The following POLR3E variants were observed in gnomAD, a reference collection of about 807,000 sequenced individuals.
The protein encoded by POLR3E is DNA-directed RNA polymerase III subunit RPC5.
POLR3E carries 41 observed loss-of-function variants against 96.6 expected under a neutral mutation model. That is an observed-to-expected ratio of 0.42 (90% confidence interval 0.33 to 0.55). The LOEUF is 0.55. Ranked by LOEUF, POLR3E falls within the 20% of genes least tolerant of loss-of-function variation. The pLI, the probability that POLR3E is intolerant of heterozygous loss-of-function variation, is 0.06. For missense variants in POLR3E, 849 were observed against 952.1 expected (o/e 0.89, Z 1.43); for synonymous variants, 396 against 383.6 (o/e 1.03, Z -0.38).
intron 6 of POLR3E, among the ~76,000 whole-genome samples, chr16:22,312,907 G>T (rs1015068355): frequency 2.0e-5 from 3 of 148,550 alleles, no homozygotes; most frequent in African/African-American, 7.4e-5. Flanking sequence ...ACAGTAAAGT[G>T]CTTAAGTATT....
chr16:22,299,154 C>T, intron 1 of POLR3E: 1 of 412,798 alleles, frequency 2.4e-6, no homozygotes, highest in Non-Finnish European at 4.8e-6. Flanking sequence ...TCCTCTCCTG[C>T]AGGCGGTGAT....
chr16:22,333,385 G>C (rs2048784156), intron 20 of POLR3E, among the ~76,000 whole-genome samples: 1 of 150,980 alleles, frequency 6.6e-6, no homozygotes, highest in African/African-American at 2.4e-5. Context: ...CTGGGAGGCA[G>C]AGGCTGCAGT....
intron 19 of POLR3E, among the ~76,000 whole-genome samples, chr16:22,331,043 C>G (rs1264492561): frequency 1.8e-5 from 2 of 110,962 alleles, no homozygotes; most frequent in East Asian, 6.2e-4. Flanking sequence ...CTCCCTCTGT[C>G]AGCCAGGCTG....
chr16:22,303,709 C>T (rs1391922435), intron 2 of POLR3E, among the ~76,000 whole-genome samples: 3 of 145,312 alleles, frequency 2.1e-5, no homozygotes, highest in Non-Finnish European at 3.0e-5. Context: ...GGTGCCATCT[C>T]GGCTCACTGC....
At chr16:22,329,649 G>A (rs578188958) in intron 19 of POLR3E, among the ~76,000 whole-genome samples, 1 of 152,050 alleles carries the variant, frequency 6.6e-6, no homozygotes, top group Admixed American at 6.5e-5. Context: ...AGAATAGAGG[G>A]TATCTGAAAT....
intron 19 of POLR3E, chr16:22,329,171 T>C (rs902808526): frequency 2.0e-5 from 3 of 152,340 alleles, no homozygotes; most frequent in African/African-American, 7.2e-5. Context: ...CTGTAAAGCT[T>C]CCTGAGCAAC....
chr16:22,316,720 G>A, intron 10 of POLR3E, 34 bp downstream of exon 10: 1 of 1,553,764 alleles, frequency 6.4e-7, no homozygotes, highest in South Asian at 1.1e-5. Flanking sequence ...CAAACTGGAT[G>A]CCTGCCCAGG....
Position 22,315,223 on chromosome 16 carries a change from G to T in POLR3E, c.642+15G>T. The stretch of plus-strand genomic sequence containing the variant: ...ATGGCCTGAGGGTGAGCGGGGCTTC[G>T]TGGGGTCCTGGGGGAAACACCTCGG... On this transcript the variant is annotated intron_variant, in intron 9 of 20. Transcript: ENST00000299853. The T allele has an allele frequency of 6.4e-7, 1 of 1,571,646 alleles. No individual in the cohort carries two copies. Among genetic ancestry groups the T allele is most frequent in the Non-Finnish European group, 8.6e-7 (1 of 1,157,854 alleles).
intron 2 of POLR3E, among the ~76,000 whole-genome samples, chr16:22,304,615 G>A (rs1266767547): frequency 6.6e-6 from 1 of 152,144 alleles, no homozygotes; most frequent in Non-Finnish European, 1.5e-5. Flanking sequence ...AGGAGAGCAT[G>A]TGGTTTATAG....
chr16:22,328,693 A>G, intron 19 of POLR3E, 106 bp downstream of exon 19: 1 of 867,368 alleles, frequency 1.2e-6, no homozygotes, highest in Non-Finnish European at 2.0e-6. Context: ...CACATTTCAG[A>G]TTTTCTGGCA....
At chr16:22,316,494 T>A in intron 9 of POLR3E, 107 bp from the exon 10 acceptor site, 1 of 784,658 alleles carries the variant, frequency 1.3e-6, no homozygotes, top group South Asian at 1.6e-5. Context: ...AGGTTGGATG[T>A]GGTCCTGTGG....
At position 22,303,012 on chromosome 16, in the gene POLR3E, C is replaced by T; in HGVS notation, c.36+8C>T. 2 of 1,613,426 alleles carry T rather than the reference C, an allele frequency of 1.2e-6. No homozygotes were observed. Among genetic ancestry groups the T allele is most frequent in the Non-Finnish European group, 1.7e-6 (2 of 1,179,410 alleles). ...GACCCAGTTGTACAGGAGGTAACTGCTGCTCTCTGTCCCCTGCCGCCGGGG... is the reference window on the plus strand; with the variant it reads ...GACCCAGTTGTACAGGAGGTAACTGTTGCTCTCTGTCCCCTGCCGCCGGGG... On this transcript the variant is annotated splice_region_variant and intron_variant, in intron 2 of 20. Transcript: ENST00000299853.
intron 14 of POLR3E, among the ~76,000 whole-genome samples, chr16:22,324,087 T>TCTCCTG (rs112479699): frequency 6.9e-6 from 1 of 144,946 alleles, no homozygotes; most frequent in African/African-American, 2.8e-5. Flanking sequence ...GGGCAGGGCA[T>TCTCCTG]CCCCAGGGAG....
chr16:22,332,966 C>CG, intron 20 of POLR3E, among the ~76,000 whole-genome samples: 1 of 139,468 alleles, frequency 7.2e-6, no homozygotes, highest in Admixed American at 7.5e-5. Context: ...TCGTAGACCC[C>CG]CTTTTTTTTT....
At chr16:22,312,432 G>A (rs1042024714) in intron 6 of POLR3E, among the ~76,000 whole-genome samples, 5 of 152,066 alleles carry the variant, frequency 3.3e-5, no homozygotes, top group African/African-American at 1.2e-4. Context: ...AGGAGGCGGA[G>A]GTTGCAGTAA....
rs1448579666 is a variant in POLR3E at position 22,322,802 on chromosome 16, G to A, written c.987-48G>A. On this transcript the variant is annotated intron_variant, in intron 13 of 20. Coordinates refer to ENST00000299853, the MANE Select transcript of POLR3E (RefSeq NM_018119.4). The surrounding 1 kb of genome is among the most constrained non-coding windows in gnomAD (Gnocchi z 5.2). ...CTTGGCCGGGAGGGGTAGCGGTAGA[G>A]GGGGCTCAGGGCAGGGACTGACCTG... is the stretch of plus-strand genomic sequence containing the variant. 3.7e-6 allele frequency: 5 copies of A among 1,345,798 alleles called. No individual in the cohort carries two copies. Among genetic ancestry groups the A allele is most frequent in the Non-Finnish European group, 4.3e-6 (4 of 940,542 alleles). The allele number at this position is 1,345,798 out of a possible 1,614,324, so 83.4% of individuals were successfully genotyped here. A position where few individuals can be genotyped will look rare whatever the true frequency, so the allele number is the denominator to read the frequency against.
At position 22,322,251 on chromosome 16, in the gene POLR3E, G is replaced by A. The variant is rs941653812; in HGVS notation, c.987-599G>A. Among the ~76,000 whole-genome samples, 4 of 152,138 alleles carry A rather than the reference G, an allele frequency of 2.6e-5. No homozygotes were observed. The highest frequency in any genetic ancestry group is 5.9e-5 in the Non-Finnish European group (4 of 68,018). On this transcript the variant is annotated intron_variant, in intron 13 of 20. Transcript: ENST00000299853. The surrounding 1 kb of genome is among the most constrained non-coding windows in gnomAD (Gnocchi z 5.2). Reference sequence around the variant, plus strand: ...CAGGTGCCGCAGCAGGGGCTGAGCCGGGGTTGCAGGGCCTGTGGCTGGAGC... The same window carrying A: ...CAGGTGCCGCAGCAGGGGCTGAGCCAGGGTTGCAGGGCCTGTGGCTGGAGC...
At chr16:22,324,444 GGCT>G in intron 15 of POLR3E, 31 bp downstream of exon 15, 1 of 1,611,100 alleles carries the variant, frequency 6.2e-7, no homozygotes, top group Non-Finnish European at 8.5e-7. Flanking sequence ...CTGAGGCCCA[GGCT>G]GCTGCTGGAG....
chr16:22,300,040 T>G (rs2047991189), intron 1 of POLR3E, among the ~76,000 whole-genome samples: 1 of 152,172 alleles, frequency 6.6e-6, no homozygotes, highest in South Asian at 2.1e-4. Flanking sequence ...AAAGACTCAC[T>G]GTTGCTGGGA....
Sources: gnomAD v4.1 joint callset for allele counts (sites outside exome capture counted in the v4.1 genomes callset) on GRCh38, gnomAD v4.1.1 for gene constraint, Gnocchi (gnomAD v3.1) non-coding constraint, MANE v1.5 for transcripts, NCBI Gene and HGNC (gene_info 2026-07-23, HGNC 2026-07-21) for gene names.